The following GNG7 variants were observed in gnomAD, a reference collection of about 807,000 sequenced individuals.
The protein encoded by GNG7 is guanine nucleotide-binding protein G(I)/G(S)/G(O) subunit gamma-7.
Under a neutral mutation model 4.0 loss-of-function variants are expected in GNG7, and 1 was observed. The observed-to-expected ratio is 0.25, with a 90% CI of 0.09 to 1.18. The LOEUF is 1.18. Among genes scored for constraint, GNG7 ranks in the 50% most tolerant of loss-of-function variants. GNG7 has a pLI of 0.50. For synonymous variants in GNG7, 34 were observed against 36.9 expected, an observed-to-expected ratio of 0.92 and a Z score of 0.29; for missense variants, 86 against 91.9, an observed-to-expected ratio of 0.94 and a Z score of 0.26.
At chr19:2,627,724 C>G (rs1982056177) in intron 2 of GNG7, among the ~76,000 whole-genome samples, 1 of 152,246 alleles carries the variant, frequency 6.6e-6, no homozygotes, top group African/African-American at 2.4e-5. Context: ...ACACCGGCAG[C>G]TGACTCAGCC....
intron 1 of GNG7, among the ~76,000 whole-genome samples, chr19:2,699,428 C>A (rs145587008): frequency 6.6e-6 from 1 of 152,122 alleles, no homozygotes; most frequent in Non-Finnish European, 1.5e-5. Flanking sequence ...AGATTACAGG[C>A]GTGAGCCACC....
At chr19:2,678,826 C>G (rs1983658579) in intron 1 of GNG7, among the ~76,000 whole-genome samples, 1 of 152,082 alleles carries the variant, frequency 6.6e-6, no homozygotes, top group Non-Finnish European at 1.5e-5. Context: ...CTTCCCTGAC[C>G]TTTGCACCAG....
intron 1 of GNG7, among the ~76,000 whole-genome samples, chr19:2,695,526 G>A (rs935286757): frequency 3.3e-5 from 5 of 152,204 alleles, no homozygotes; most frequent in Non-Finnish European, 7.3e-5. Flanking sequence ...AGGAAGGAAG[G>A]AGCGTTTCAG....
In GNG7 at chr19:2,546,345, G is replaced by C. The variant is rs1254703642; in HGVS notation, c.-38+8804C>G. On this transcript the variant is annotated intron_variant, in intron 3 of 4. Coordinates refer to ENST00000382159, the MANE Select transcript of GNG7 (RefSeq NM_052847.3). The surrounding 1 kb of genome is among the most constrained non-coding windows in gnomAD (Gnocchi z 6.3). ...AGGGCCAGGTCGCCCAGCAGGGCCT[G>C]GGAGGGCGGCTGTGTGTGGGGCCTT... is the stretch of plus-strand genomic sequence containing the variant. Among the ~76,000 whole-genome samples the C allele has an allele frequency of 1.3e-5, 2 of 152,258 alleles. No homozygotes were observed. Among genetic ancestry groups the C allele is most frequent in the Non-Finnish European group, 2.9e-5 (2 of 68,042 alleles).
At chr19:2,567,791 A>C (rs1979967864) in intron 2 of GNG7, among the ~76,000 whole-genome samples, 1 of 152,128 alleles carries the variant, frequency 6.6e-6, no homozygotes, top group Admixed American at 6.6e-5. Context: ...TGAGACCTAA[A>C]AGGTCACAAG....
chr19:2,560,210 A>C (rs1177514167), intron 2 of GNG7, among the ~76,000 whole-genome samples: 1 of 152,054 alleles, frequency 6.6e-6, no homozygotes, highest in African/African-American at 2.4e-5. Context: ...GCGAATTCGC[A>C]AATACGGACT....
At chr19:2,537,796 C>T (rs139233631) in intron 3 of GNG7, among the ~76,000 whole-genome samples, 1,738 of 152,096 alleles carry the variant, frequency 0.011, 35 homozygotes, top group African/African-American at 0.04. Context: ...TTGAGGGAAG[C>T]GACACAGAAT....
intron 1 of GNG7, among the ~76,000 whole-genome samples, chr19:2,666,227 C>A (rs996437540): frequency 6.6e-6 from 1 of 151,762 alleles, no homozygotes; most frequent in African/African-American, 2.4e-5. Flanking sequence ...GGCTGGAGTG[C>A]AGTGGCACGA....
intron 1 of GNG7, among the ~76,000 whole-genome samples, chr19:2,651,249 C>CT (rs1304894059): frequency 1.8e-5 from 1 of 55,000 alleles, no homozygotes; most frequent in East Asian, 9.2e-4. Flanking sequence ...CCTTCCTTTC[C>CT]TTCCTTCCTT....
intron 1 of GNG7, among the ~76,000 whole-genome samples, chr19:2,687,958 C>T (rs1372590791): frequency 7.3e-6 from 1 of 136,144 alleles, no homozygotes; most frequent in African/African-American, 2.8e-5. Flanking sequence ...AAAACTCTGC[C>T]TCCAGATAAA....
intron 2 of GNG7, among the ~76,000 whole-genome samples, chr19:2,591,797 G>A (rs1173323841): frequency 2.0e-5 from 3 of 152,176 alleles, no homozygotes; most frequent in Non-Finnish European, 2.9e-5. Context: ...GAGGTACTTA[G>A]TGCAAAGATA....
At chr19:2,588,543 G>A (rs1311451594) in intron 2 of GNG7, among the ~76,000 whole-genome samples, 3 of 152,176 alleles carry the variant, frequency 2.0e-5, no homozygotes, top group Non-Finnish European at 2.9e-5. Flanking sequence ...CCAGGGCGGC[G>A]GCAGCTGGAC....
At chr19:2,635,057 G>A (rs938066816) in intron 2 of GNG7, among the ~76,000 whole-genome samples, 5 of 152,148 alleles carry the variant, frequency 3.3e-5, no homozygotes, top group Non-Finnish European at 7.4e-5. Context: ...CATCGGAGCC[G>A]GATTGTTCTC....
intron 3 of GNG7, among the ~76,000 whole-genome samples, chr19:2,523,569 A>G (rs1288663790): frequency 6.6e-6 from 1 of 152,130 alleles, no homozygotes; most frequent in Non-Finnish European, 1.5e-5. Flanking sequence ...TTAGTGCCTC[A>G]ACTACGGTGA....
intron 2 of GNG7, among the ~76,000 whole-genome samples, chr19:2,596,215 C>T (rs1413875639): frequency 6.6e-6 from 1 of 151,990 alleles, no homozygotes; most frequent in African/African-American, 2.4e-5. Context: ...AAAAATTAGC[C>T]GGGTGCGGTG....
At chr19:2,570,633 G>A (rs533175770) in intron 2 of GNG7, among the ~76,000 whole-genome samples, 42 of 152,278 alleles carry the variant, frequency 2.8e-4, no homozygotes, top group African/African-American at 9.6e-4. Flanking sequence ...AGGAGCTTGA[G>A]AGAGACAGAC....
intron 2 of GNG7, among the ~76,000 whole-genome samples, chr19:2,627,272 C>G (rs1026224786): frequency 1.3e-5 from 2 of 151,992 alleles, no homozygotes; most frequent in African/African-American, 4.8e-5. Flanking sequence ...TTGGTGGAGG[C>G]CAGGGACACT....
chr19:2,652,048 G>A (rs1411971268), intron 1 of GNG7, among the ~76,000 whole-genome samples: 3 of 151,812 alleles, frequency 2.0e-5, no homozygotes, highest in Non-Finnish European at 2.9e-5. Context: ...GGTGGCAGGC[G>A]CCTGTAATGC....
At chr19:2,682,951 G>A (rs974909401) in intron 1 of GNG7, among the ~76,000 whole-genome samples, 2 of 151,672 alleles carry the variant, frequency 1.3e-5, no homozygotes, top group Non-Finnish European at 1.5e-5. Flanking sequence ...AAGGACTCCC[G>A]GCAGGACACG....
Sources: allele counts gnomAD v4.1 joint callset (sites outside exome capture counted in the v4.1 genomes callset), GRCh38; gene constraint gnomAD v4.1.1; non-coding constraint Gnocchi (gnomAD v3.1); transcripts MANE v1.5; gene names NCBI Gene and HGNC (gene_info 2026-07-23, HGNC 2026-07-21).